Variants in CTBP2 observed in about 807,000 individuals in gnomAD.
CTBP2 encodes C-terminal-binding protein 2.
CTBP2 carries 30 observed loss-of-function variants against 80.3 expected under a neutral mutation model. The ratio of observed to expected loss-of-function variants is 0.37; its 90% confidence interval spans 0.28 to 0.51. The LOEUF is 0.51. CTBP2 is among the 20% of genes least tolerant of loss of function. The pLI is 0.93. For missense variants in CTBP2, 1,212 were observed against 1,375.3 expected (o/e 0.88, Z 1.88); for synonymous variants, 594 against 587.4 (o/e 1.01, Z -0.16).
In CTBP2 at chr10:125,002,447, G is replaced by A. The variant is rs575946661; in HGVS notation, c.1978+513C>T. 3.9e-5 allele frequency among the ~76,000 whole-genome samples: 6 copies of A among 152,366 alleles called. No individual in the cohort carries two copies. The East Asian group carries it at 1.2e-3, about 29-fold the overall frequency. On this transcript the variant is annotated intron_variant, in intron 3 of 8. Transcript: ENST00000309035. ...TTCGGAAGCCTCTGTCATCAACTGT[G>A]TTGGGCAGGGGCCCACCTGCTTTGG... is the stretch of plus-strand genomic sequence containing the variant.
intron 1 of CTBP2, among the ~76,000 whole-genome samples, chr10:125,120,108 G>C (rs1460397147): frequency 4.6e-5 from 7 of 152,176 alleles, no homozygotes; most frequent in African/African-American, 1.7e-4. Context: ...TGGTGGGCTG[G>C]AGAGACACAG....
At position 124,985,099 on chromosome 10, in the gene CTBP2, C is replaced by A; in HGVS notation, c.*4419G>T. On this transcript the variant is annotated 3_prime_UTR_variant, in exon 9 of 9. Transcript: ENST00000309035. The stretch of plus-strand genomic sequence containing the variant: ...ACATCATGGAATGAACCAAATCTGG[C>A]AGGATCTGCTCGGGGAAGTGTTTTC... 1 of 859,158 alleles carries A rather than the reference C, an allele frequency of 1.2e-6. No individual in the cohort carries two copies. The highest frequency in any genetic ancestry group is 1.6e-5 in the South Asian group (1 of 60,816). The allele number at this position is 859,158 out of a possible 1,614,324, so 53.2% of individuals were successfully genotyped here.
chr10:125,005,163 C>T (rs1056662023), intron 1 of CTBP2, among the ~76,000 whole-genome samples: 7 of 152,338 alleles, frequency 4.6e-5, no homozygotes, highest in African/African-American at 1.4e-4. Context: ...CATGGAAGGC[C>T]GTGCTCGGCC....
intron 2 of CTBP2, among the ~76,000 whole-genome samples, chr10:125,059,100 C>T (rs1287746714): frequency 1.3e-5 from 2 of 152,096 alleles, no homozygotes; most frequent in African/African-American, 4.8e-5. Flanking sequence ...GGCACTGTCA[C>T]TTTTGTCTCC....
chr10:125,052,352 G>A (rs1448597091), intron 2 of CTBP2, among the ~76,000 whole-genome samples: 1 of 152,224 alleles, frequency 6.6e-6, no homozygotes, highest in African/African-American at 2.4e-5. Context: ...GGTCAGAGGG[G>A]CTGCAGGTCC....
intron 1 of CTBP2, among the ~76,000 whole-genome samples, chr10:125,121,441 T>C (rs919297152): frequency 2.6e-5 from 4 of 152,140 alleles, no homozygotes; most frequent in Non-Finnish European, 4.4e-5. Context: ...AACCTCAAGG[T>C]TGGGGGAGAT....
At chr10:125,152,013 G>A (rs553269032) in intron 1 of CTBP2, among the ~76,000 whole-genome samples, 2 of 152,048 alleles carry the variant, frequency 1.3e-5, no homozygotes, top group Non-Finnish European at 2.9e-5. Flanking sequence ...GGCGCGAGGT[G>A]GGGGGGCCCG....
chr10:125,022,450 G>A (rs1957140707), intron 1 of CTBP2, among the ~76,000 whole-genome samples: 1 of 152,224 alleles, frequency 6.6e-6, no homozygotes, highest in South Asian at 2.1e-4. Context: ...GGTCAATGAG[G>A]AAGGATGGAA....
chr10:125,077,608 A>G (rs2135522151), intron 2 of CTBP2, among the ~76,000 whole-genome samples: 1 of 152,316 alleles, frequency 6.6e-6, no homozygotes, highest in South Asian at 2.1e-4. Context: ...CACATTCTGG[A>G]AAGTTCTGGG....
chr10:125,090,115 A>T (rs1024051895), intron 2 of CTBP2, among the ~76,000 whole-genome samples: 1 of 152,056 alleles, frequency 6.6e-6, no homozygotes, highest in Non-Finnish European at 1.5e-5. Context: ...AAGCAGAAGC[A>T]AAAAGGAATT....
At chr10:125,051,511 G>A (rs527975642) in intron 2 of CTBP2, among the ~76,000 whole-genome samples, 3 of 152,048 alleles carry the variant, frequency 2.0e-5, no homozygotes, top group Non-Finnish European at 4.4e-5. Context: ...GTGGTGGTGG[G>A]CACCTGTAAT....
rs540167933 is a variant in CTBP2 at position 125,075,950 on chromosome 10, G to A, written c.-102+35040C>T. ...CTAGGTATGTGCTCAACAGACATGC[G>A]TGTAGCACATGTGCACCAAATGACA... is the stretch of plus-strand genomic sequence containing the variant. On this transcript the variant is annotated intron_variant, in intron 2 of 10. Transcript: ENST00000337195. Among the ~76,000 whole-genome samples, 20 of 152,284 alleles carry A rather than the reference G, an allele frequency of 1.3e-4. No homozygotes were observed. The South Asian group carries it at 2.5e-3, about 19-fold the overall frequency.
At chr10:125,039,034 G>C in exon 3 of CTBP2, 1 of 1,612,938 alleles carries the variant, frequency 6.2e-7, no homozygotes. Flanking sequence ...TCTTGACTTT[G>C]TGCTTATCCA....
At chr10:125,073,244 CTCTTT>C (rs1281152256) in intron 2 of CTBP2, among the ~76,000 whole-genome samples, 11 of 152,070 alleles carry the variant, frequency 7.2e-5, no homozygotes, top group African/African-American at 2.7e-4. Flanking sequence ...TTCTGCATCT[CTCTTT>C]TTTTTGAGAT....
intron 1 of CTBP2, among the ~76,000 whole-genome samples, chr10:125,138,851 G>A (rs79156297): frequency 0.039 from 5,955 of 152,164 alleles, 392 homozygotes; most frequent in African/African-American, 0.14. Flanking sequence ...GTGCCCGTCC[G>A]TCTCTTCACT....
intron 2 of CTBP2, among the ~76,000 whole-genome samples, chr10:125,051,633 C>CT (rs1962792836): frequency 6.7e-6 from 1 of 149,796 alleles, no homozygotes; most frequent in Non-Finnish European, 1.5e-5. Context: ...GAGTGAGACT[C>CT]TGTCTCAAAA....
intron 1 of CTBP2, among the ~76,000 whole-genome samples, chr10:125,121,380 G>A (rs1263355884): frequency 6.6e-6 from 1 of 152,236 alleles, no homozygotes; most frequent in Non-Finnish European, 1.5e-5. Flanking sequence ...AAAGAAAAGA[G>A]GCCTGAAGGA....
intron 2 of CTBP2, among the ~76,000 whole-genome samples, chr10:125,091,177 G>A (rs565683029): frequency 1.3e-5 from 2 of 152,276 alleles, no homozygotes; most frequent in East Asian, 1.9e-4. Flanking sequence ...GCAGTAAGAG[G>A]GAAAGAAAAG....
chr10:125,033,898 G>A (rs1466848497), intron 3 of CTBP2, among the ~76,000 whole-genome samples: 4 of 152,104 alleles, frequency 2.6e-5, no homozygotes, highest in Non-Finnish European at 5.9e-5. Context: ...CCAGGCGGTG[G>A]GAAACAGCGC....
Sources: allele counts gnomAD v4.1 joint callset (sites outside exome capture counted in the v4.1 genomes callset), GRCh38; gene constraint gnomAD v4.1.1; transcripts MANE v1.5; gene names NCBI Gene and HGNC (gene_info 2026-07-23, HGNC 2026-07-21).